The following USP25 variants were observed in gnomAD, a reference collection of about 807,000 sequenced individuals.
USP25 encodes ubiquitin carboxyl-terminal hydrolase 25.
In USP25, 85 loss-of-function variants were observed where a neutral mutation model predicts 158.5. That is an observed-to-expected ratio of 0.54 (90% CI 0.45 to 0.64). The LOEUF (loss-of-function observed/expected upper bound fraction) is 0.64, where lower values mean the gene tolerates loss of function less well. Among genes scored for constraint, USP25 ranks in the 30% least tolerant of loss-of-function variants. USP25 has a pLI of 0.00. For synonymous variants in USP25, 464 were observed against 460.4 expected, an observed-to-expected ratio of 1.01 and a Z score of -0.10; for missense variants, 1,242 against 1,327.3, an observed-to-expected ratio of 0.94 and a Z score of 1.00.
intron 5 of USP25, among the ~76,000 whole-genome samples, chr21:15,792,767 T>G (rs1236633043): frequency 6.6e-6 from 1 of 151,608 alleles, no homozygotes; most frequent in Admixed American, 6.6e-5. Flanking sequence ...ATAATTTGAT[T>G]TTCTTTGTTT....
At chr21:15,847,597 G>T in intron 18 of USP25, 66 bp from the exon 19 acceptor site, 3 of 1,125,382 alleles carry the variant, frequency 2.7e-6, no homozygotes, top group Non-Finnish European at 2.6e-6. Context: ...ATACAGTTGT[G>T]CAAGGATGCC....
At chr21:15,815,470 C>T (rs1046323169) in intron 9 of USP25, among the ~76,000 whole-genome samples, 2 of 152,276 alleles carry the variant, frequency 1.3e-5, no homozygotes, top group Middle Eastern at 3.4e-3. Context: ...AACACCAACC[C>T]GTGAAAGCAG....
intron 9 of USP25, among the ~76,000 whole-genome samples, 191 bp downstream of exon 9, chr21:15,811,401 T>C (rs1294826312): frequency 6.6e-6 from 1 of 152,216 alleles, no homozygotes; most frequent in Non-Finnish European, 1.5e-5. Flanking sequence ...ATGTACAGAG[T>C]GCATTATCAC....
intron 1 of USP25, among the ~76,000 whole-genome samples, chr21:15,751,886 A>G (rs2033040952): frequency 6.6e-6 from 1 of 152,184 alleles, no homozygotes; most frequent in African/African-American, 2.4e-5. Flanking sequence ...TGATGTATTT[A>G]TTTTATCTAC....
intron 1 of USP25, among the ~76,000 whole-genome samples, chr21:15,745,832 C>G (rs1431946161): frequency 2.6e-5 from 4 of 152,082 alleles, no homozygotes; most frequent in African/African-American, 9.7e-5. Context: ...GTGTTTTGTT[C>G]TAGAAGTTTT....
chr21:15,763,008 G>A, intron 2 of USP25, 40 bp downstream of exon 2: 6 of 1,555,264 alleles, frequency 3.9e-6, no homozygotes, highest in East Asian at 2.3e-5. Context: ...TGTGGTATAT[G>A]CTCATCTCTA....
intron 10 of USP25, among the ~76,000 whole-genome samples, chr21:15,819,502 A>G (rs964693904): frequency 2.0e-5 from 3 of 152,136 alleles, no homozygotes; most frequent in African/African-American, 7.2e-5. Flanking sequence ...CCAATCAGTT[A>G]CTGTTAAGAA....
chr21:15,761,975 CA>C (rs1004906253), intron 1 of USP25, among the ~76,000 whole-genome samples: 58 of 152,192 alleles, frequency 3.8e-4, no homozygotes, highest in African/African-American at 1.4e-3. Flanking sequence ...ACTGTTAACA[CA>C]ATAAAGTTAT....
In USP25 at chr21:15,778,016, A is replaced by G; in HGVS notation, c.381A>G (p.Gln127=). The change falls in exon 4 of 26, where the codon CAA becomes CAG. Residue 127 remains glutamine (Q), a synonymous_variant. Coordinates refer to ENST00000400183, the MANE Select transcript of USP25 (RefSeq NM_001283041.3). ...FRETGITDEE[Q]AISRVLEASI... Reference sequence around the variant, plus strand: ...AGACTGGAATAACTGATGAGGAACAAGCCATTAGCAGGTAAAAACATAATT... The same window carrying G: ...AGACTGGAATAACTGATGAGGAACAGGCCATTAGCAGGTAAAAACATAATT... 2 of 1,599,416 alleles carry G rather than the reference A, an allele frequency of 1.3e-6. No individual in the cohort carries two copies. Among genetic ancestry groups the G allele is most frequent in the Non-Finnish European group, 1.7e-6 (2 of 1,175,782 alleles).
chr21:15,842,892 T>G (rs1362479108), intron 18 of USP25, among the ~76,000 whole-genome samples: 1 of 152,144 alleles, frequency 6.6e-6, no homozygotes, highest in African/African-American at 2.4e-5. Flanking sequence ...TCTGATTACA[T>G]GGGAATAGTT....
chr21:15,742,185 A>G (rs1463074171), intron 1 of USP25, among the ~76,000 whole-genome samples: 1 of 151,354 alleles, frequency 6.6e-6, no homozygotes, highest in Non-Finnish European at 1.5e-5. Flanking sequence ...AACCCCCACT[A>G]TATCTGTTGG....
At chr21:15,780,218 C>T (rs2034888740) in intron 4 of USP25, among the ~76,000 whole-genome samples, 1 of 152,292 alleles carries the variant, frequency 6.6e-6, no homozygotes, top group South Asian at 2.1e-4. Context: ...TGAAGTTACA[C>T]ATTAGGATAC....
intron 1 of USP25, among the ~76,000 whole-genome samples, chr21:15,751,154 T>A (rs1243687374): frequency 1.3e-5 from 2 of 152,104 alleles, no homozygotes; most frequent in East Asian, 3.9e-4. Context: ...GCCCCAAGAC[T>A]CTGAGAGATT....
intron 19 of USP25, among the ~76,000 whole-genome samples, chr21:15,849,270 A>G (rs1320356470): frequency 2.6e-5 from 4 of 152,152 alleles, no homozygotes; most frequent in Non-Finnish European, 5.9e-5. Flanking sequence ...GTGACAGTTT[A>G]ACAGTGCATG....
intron 1 of USP25, among the ~76,000 whole-genome samples, chr21:15,750,820 A>T (rs1159762499): frequency 6.7e-6 from 1 of 149,808 alleles, no homozygotes; most frequent in Non-Finnish European, 1.5e-5. Flanking sequence ...GTTAGCCAGG[A>T]TGGTCTCAAT....
chr21:15,789,115 G>A lies in USP25; in HGVS notation c.393-2387G>A, dbSNP rs562264809. On this transcript the variant is annotated intron_variant, in intron 4 of 25. Transcript: ENST00000400183. ...CCACACATTCTTGCAAGTCCTGTGT[G>A]GGGAGAGAGAAGGCAAAGGAACTAA... 7.2e-5 allele frequency among the ~76,000 whole-genome samples: 11 copies of A among 152,148 alleles called. No homozygotes were observed. The East Asian group carries it at 1.9e-3, about 27-fold the overall frequency.
At chr21:15,752,078 C>T (rs1286706039) in intron 1 of USP25, among the ~76,000 whole-genome samples, 1 of 151,924 alleles carries the variant, frequency 6.6e-6, no homozygotes, top group African/African-American at 2.4e-5. Flanking sequence ...GGATTACAGG[C>T]ATGCGCCACC....
chr21:15,857,791 T>A (rs1433421066), intron 20 of USP25, among the ~76,000 whole-genome samples: 1 of 152,090 alleles, frequency 6.6e-6, no homozygotes, highest in East Asian at 1.9e-4. Context: ...TATGCAAAAT[T>A]TTAATTCTGC....
At chr21:15,851,243 T>C (rs1184782200) in intron 20 of USP25, among the ~76,000 whole-genome samples, 1 of 152,134 alleles carries the variant, frequency 6.6e-6, no homozygotes, top group Non-Finnish European at 1.5e-5. Context: ...GCAAATCTCA[T>C]TTTTATTAAG....
Sources: gnomAD v4.1 joint callset for allele counts (sites outside exome capture counted in the v4.1 genomes callset) on GRCh38, gnomAD v4.1.1 for gene constraint, MANE v1.5 for transcripts, NCBI Gene and HGNC (gene_info 2026-07-23, HGNC 2026-07-21) for gene names.